DLG2: variants seen among roughly 807,000 people sequenced by gnomAD.
DLG2 encodes disks large homolog 2.
A neutral mutation model predicts 132.5 loss-of-function variants in DLG2; 45 were observed. The ratio of observed to expected loss-of-function variants is 0.34; its 90% CI spans 0.27 to 0.44. The LOEUF (loss-of-function observed/expected upper bound fraction) is 0.44. DLG2 is among the 20% of genes least tolerant of loss of function. The pLI is 1.00. For synonymous variants in DLG2, 424 were observed against 419.6 expected (o/e 1.01, Z -0.13); for missense variants, 1,045 against 1,196.9 (o/e 0.87, Z 1.87).
intron 6 of DLG2, among the ~76,000 whole-genome samples, chr11:84,832,756 A>G (rs1445322217): frequency 1.3e-5 from 2 of 151,606 alleles, no homozygotes; most frequent in African/African-American, 4.8e-5. Flanking sequence ...TATTCTGCTG[A>G]TAGAAATTTC....
intron 6 of DLG2, among the ~76,000 whole-genome samples, chr11:84,949,217 T>G (rs991796517): frequency 1.3e-5 from 2 of 151,906 alleles, no homozygotes; most frequent in Non-Finnish European, 2.9e-5. Context: ...TTATTAGGGA[T>G]TTTCAAAAGG....
chr11:84,961,605 G>C (rs142178553), intron 6 of DLG2, among the ~76,000 whole-genome samples: 63 of 150,782 alleles, frequency 4.2e-4, no homozygotes, highest in African/African-American at 1.5e-3. Context: ...GTAAGCACTT[G>C]TTTGTTCATT....
At chr11:85,556,654 A>C (rs117739796) in intron 3 of DLG2, among the ~76,000 whole-genome samples, 1 of 152,032 alleles carries the variant, frequency 6.6e-6, no homozygotes, top group East Asian at 1.9e-4. Flanking sequence ...CCAAAAGCTT[A>C]AGGGAATCTA....
At chr11:84,215,346 G>T (rs758379027) in intron 8 of DLG2, among the ~76,000 whole-genome samples, 7 of 151,986 alleles carry the variant, frequency 4.6e-5, no homozygotes, top group African/African-American at 9.7e-5. Flanking sequence ...GGAAGAGCGT[G>T]TATCTGTTTC....
chr11:84,694,860 G>A (rs1016641356), intron 6 of DLG2, among the ~76,000 whole-genome samples: 1 of 151,484 alleles, frequency 6.6e-6, no homozygotes, highest in Non-Finnish European at 1.5e-5. Flanking sequence ...GAGAGCAGAT[G>A]GATTTAGCTA....
intron 6 of DLG2, among the ~76,000 whole-genome samples, chr11:84,803,046 G>A (rs188225306): frequency 6.6e-6 from 1 of 152,212 alleles, no homozygotes; most frequent in Admixed American, 6.5e-5. Flanking sequence ...TGATCTGCCC[G>A]CCTCGGCCTC....
At chr11:84,552,104 G>C (rs201565940) in intron 6 of DLG2, among the ~76,000 whole-genome samples, 1 of 152,130 alleles carries the variant, frequency 6.6e-6, no homozygotes, top group Non-Finnish European at 1.5e-5. Flanking sequence ...CTGGCACATA[G>C]AAGAGGTTTA....
intron 25 of DLG2, among the ~76,000 whole-genome samples, chr11:83,467,771 GTA>G (rs1192401405): frequency 0.05 from 4,207 of 84,628 alleles, 123 homozygotes; most frequent in East Asian, 0.12. Context: ...AAAACTATAT[GTA>G]TATATATATA....
At chr11:83,548,767 G>A (rs17522500) in intron 19 of DLG2, among the ~76,000 whole-genome samples, 3,370 of 152,144 alleles carry the variant, frequency 0.022, 72 homozygotes, top group African/African-American at 0.056. Context: ...ATAATTTTCC[G>A]TATTTTAAGA....
At chr11:84,019,361 T>A (rs921694006) in intron 11 of DLG2, among the ~76,000 whole-genome samples, 1 of 152,104 alleles carries the variant, frequency 6.6e-6, no homozygotes, top group Non-Finnish European at 1.5e-5. Context: ...ATATTGAAAA[T>A]TTTAATTCTG....
chr11:83,913,853 G>T (rs1236969445), intron 15 of DLG2, among the ~76,000 whole-genome samples: 1 of 152,108 alleles, frequency 6.6e-6, no homozygotes. Context: ...GATTAATCAG[G>T]TCAATGACAA....
At chr11:84,277,064 T>C (rs1222965431) in intron 7 of DLG2, among the ~76,000 whole-genome samples, 1 of 152,160 alleles carries the variant, frequency 6.6e-6, no homozygotes, top group East Asian at 1.9e-4. Flanking sequence ...ACTTGTTGCG[T>C]TGAGAAGACA....
chr11:84,715,492 A>C (rs906390976), intron 6 of DLG2, among the ~76,000 whole-genome samples: 7 of 152,068 alleles, frequency 4.6e-5, no homozygotes, highest in Non-Finnish European at 8.8e-5. Flanking sequence ...TATTCATTCC[A>C]CATAACCGCA....
At chr11:83,649,896 G>T (rs771028753) in intron 18 of DLG2, among the ~76,000 whole-genome samples, 70 of 152,136 alleles carry the variant, frequency 4.6e-4, no homozygotes, top group Non-Finnish European at 7.6e-4. Context: ...AGGTATGAAG[G>T]TTTCTCAATG....
chr11:83,866,052 G>A (rs1275157856), intron 16 of DLG2, among the ~76,000 whole-genome samples: 1 of 151,928 alleles, frequency 6.6e-6, no homozygotes, highest in Non-Finnish European at 1.5e-5. Context: ...CCCTATTATA[G>A]GTACTCAGAG....
At chr11:84,447,609 TAA>T (rs2099039156) in intron 7 of DLG2, among the ~76,000 whole-genome samples, 3 of 152,136 alleles carry the variant, frequency 2.0e-5, no homozygotes, top group South Asian at 4.1e-4. Context: ...CTGAGACAAA[TAA>T]ATATCTTCTT....
intron 21 of DLG2, among the ~76,000 whole-genome samples, chr11:83,531,233 G>T (rs998463969): frequency 6.6e-6 from 1 of 151,866 alleles, no homozygotes; most frequent in African/African-American, 2.4e-5. Context: ...CCCACAGAGT[G>T]GGACAAAATA....
intron 18 of DLG2, among the ~76,000 whole-genome samples, chr11:83,722,180 T>C (rs918409920): frequency 6.6e-6 from 1 of 152,174 alleles, no homozygotes; most frequent in Non-Finnish European, 1.5e-5. Flanking sequence ...TTTTTAACGT[T>C]TTGACAAAAA....
At chr11:83,470,631 G>C (rs2091910969) in intron 24 of DLG2, among the ~76,000 whole-genome samples, 1 of 152,188 alleles carries the variant, frequency 6.6e-6, no homozygotes, top group African/African-American at 2.4e-5. Context: ...CCTGTCTGAA[G>C]ACTTTCTCAG....
Sources: allele counts gnomAD v4.1 joint callset (sites outside exome capture counted in the v4.1 genomes callset), GRCh38; gene constraint gnomAD v4.1.1; transcripts MANE v1.5; gene names NCBI Gene and HGNC (gene_info 2026-07-23, HGNC 2026-07-21).